Variants in ASIC2 observed in about 807,000 individuals in gnomAD.
ASIC2 encodes the protein acid sensing ion channel subunit 2.
ASIC2 carries 25 observed loss-of-function variants against 57.3 expected under a neutral mutation model. That is an observed-to-expected ratio of 0.44 (90% CI 0.32 to 0.61). The LOEUF (loss-of-function observed/expected upper bound fraction) is 0.61. ASIC2 is among the 20% of genes least tolerant of loss of function. The pLI, the probability that ASIC2 is intolerant of heterozygous loss-of-function variation, is 0.06. For missense variants in ASIC2, 641 were observed against 738.1 expected, an observed-to-expected ratio of 0.87 and a Z score of 1.52; for synonymous variants, 319 against 307.5, an observed-to-expected ratio of 1.04 and a Z score of -0.39.
At chr17:33,154,312 A>G (rs1313435992) in intron 1 of ASIC2, among the ~76,000 whole-genome samples, 1 of 152,230 alleles carries the variant, frequency 6.6e-6, no homozygotes, top group Non-Finnish European at 1.5e-5. Flanking sequence ...CTTCTTGAGT[A>G]GCTGGAACTA....
intron 1 of ASIC2, among the ~76,000 whole-genome samples, chr17:34,033,682 A>G (rs1597984440): frequency 6.6e-6 from 1 of 152,248 alleles, no homozygotes; most frequent in South Asian, 2.1e-4. Flanking sequence ...TGAAGGGGCT[A>G]TCATCACCGA....
intron 1 of ASIC2, among the ~76,000 whole-genome samples, chr17:33,225,918 A>G (rs1323430428): frequency 2.0e-5 from 3 of 152,158 alleles, no homozygotes; most frequent in Non-Finnish European, 2.9e-5. Context: ...ATCACATTAG[A>G]CTTTCTTTCC....
At chr17:33,891,076 G>A (rs67911977) in intron 1 of ASIC2, among the ~76,000 whole-genome samples, 26,225 of 152,038 alleles carry the variant, frequency 0.17, 2,429 homozygotes, top group African/African-American at 0.24. Flanking sequence ...TGATGTAGAG[G>A]AGTGGGTGGC....
intron 1 of ASIC2, among the ~76,000 whole-genome samples, chr17:33,649,699 A>G (rs939784331): frequency 6.8e-6 from 1 of 146,042 alleles, no homozygotes; most frequent in African/African-American, 2.8e-5. Flanking sequence ...AAGAAACAGA[A>G]CAAAGAACCA....
intron 1 of ASIC2, among the ~76,000 whole-genome samples, chr17:33,854,597 G>T (rs963623734): frequency 4.6e-5 from 7 of 152,216 alleles, no homozygotes; most frequent in Non-Finnish European, 8.8e-5. Context: ...GGAACTGTGG[G>T]TGGGGGAAGC....
intron 1 of ASIC2, among the ~76,000 whole-genome samples, chr17:34,077,358 C>T (rs1909707535): frequency 6.6e-6 from 1 of 152,220 alleles, no homozygotes; most frequent in Non-Finnish European, 1.5e-5. Context: ...GCTCATGGTC[C>T]TTGTGATCAC....
chr17:33,603,144 A>G (rs1453987218), intron 1 of ASIC2, among the ~76,000 whole-genome samples: 5 of 152,192 alleles, frequency 3.3e-5, no homozygotes. Context: ...CACTGTTGTT[A>G]TTCACTGTGA....
intron 1 of ASIC2, among the ~76,000 whole-genome samples, chr17:33,319,225 G>A (rs774007589): frequency 3.4e-5 from 5 of 147,730 alleles, no homozygotes; most frequent in Non-Finnish European, 6.0e-5. Flanking sequence ...GCGAGACTCC[G>A]TCTCAAAAAA....
At chr17:33,906,087 A>G (rs1364172861) in intron 1 of ASIC2, among the ~76,000 whole-genome samples, 1 of 151,464 alleles carries the variant, frequency 6.6e-6, no homozygotes, top group Non-Finnish European at 1.5e-5. Flanking sequence ...GGGCCTCCAA[A>G]AGTGCTGGGA....
chr17:33,168,574 C>CA (rs1248647237), intron 1 of ASIC2, among the ~76,000 whole-genome samples: 2 of 152,118 alleles, frequency 1.3e-5, no homozygotes, highest in Non-Finnish European at 2.9e-5. Flanking sequence ...GAGGAAAGAC[C>CA]AATCTTGTTA....
At chr17:34,025,055 T>C (rs1160490236) in intron 1 of ASIC2, among the ~76,000 whole-genome samples, 1 of 152,292 alleles carries the variant, frequency 6.6e-6, no homozygotes, top group East Asian at 1.9e-4. Context: ...ACTACAGAAG[T>C]CCCTGTGATC....
At chr17:33,849,079 T>A (rs1913691868) in intron 1 of ASIC2, among the ~76,000 whole-genome samples, 1 of 152,212 alleles carries the variant, frequency 6.6e-6, no homozygotes, top group Non-Finnish European at 1.5e-5. Context: ...TGTGCTAAAG[T>A]CCAAAGTAGA....
chr17:33,129,407 T>G (rs1167829105), intron 1 of ASIC2, among the ~76,000 whole-genome samples: 1 of 152,254 alleles, frequency 6.6e-6, no homozygotes, highest in Non-Finnish European at 1.5e-5. Context: ...GAATCACGCC[T>G]GCTATCTGCA....
At chr17:33,207,862 G>A (rs1298738803) in intron 1 of ASIC2, among the ~76,000 whole-genome samples, 1 of 152,206 alleles carries the variant, frequency 6.6e-6, no homozygotes, top group African/African-American at 2.4e-5. Flanking sequence ...AGATCCCAGT[G>A]GGATTAAGTC....
chr17:33,300,224 C>G (rs1474865486), intron 1 of ASIC2, among the ~76,000 whole-genome samples: 1 of 152,072 alleles, frequency 6.6e-6, no homozygotes, highest in Non-Finnish European at 1.5e-5. Context: ...TGTACATAGT[C>G]TTTATATGCC....
chr17:33,448,400 A>G (rs1222210647), intron 1 of ASIC2, among the ~76,000 whole-genome samples: 1 of 152,188 alleles, frequency 6.6e-6, no homozygotes, highest in Non-Finnish European at 1.5e-5. Context: ...TTTTGCATAT[A>G]TGAATAAATT....
chr17:33,178,316 A>G (rs1905842517), intron 1 of ASIC2, among the ~76,000 whole-genome samples: 1 of 152,236 alleles, frequency 6.6e-6, no homozygotes, highest in Non-Finnish European at 1.5e-5. Flanking sequence ...CATACAAAAA[A>G]AAATCCCTGG....
In ASIC2 at chr17:33,728,491, G is replaced by GACA. The variant is rs1366193734; in HGVS notation, c.555+427484_555+427486dup. Among the ~76,000 whole-genome samples, 2 of 152,114 alleles carry GACA rather than the reference G, an allele frequency of 1.3e-5. 1 individual carries two copies. Among genetic ancestry groups the GACA allele is most frequent in the East Asian group, 3.9e-4 (2 of 5,188 alleles). ...TCTTACCAGGTAATGTACTATTTTG[G>GACA]ACAACATCATTTCCTCCCTTACAGT... On this transcript the variant is annotated intron_variant, in intron 1 of 9. Transcript: ENST00000359872.
intron 3 of ASIC2, among the ~76,000 whole-genome samples, chr17:33,085,433 G>A (rs2092130820): frequency 6.6e-6 from 1 of 152,248 alleles, no homozygotes; most frequent in Admixed American, 6.5e-5. Context: ...GAAATGAAGT[G>A]TTTGAGGACC....
Sources: gnomAD v4.1 joint callset for allele counts (sites outside exome capture counted in the v4.1 genomes callset) on GRCh38, gnomAD v4.1.1 for gene constraint, MANE v1.5 for transcripts, NCBI Gene and HGNC (gene_info 2026-07-23, HGNC 2026-07-21) for gene names.